Variants in B3GAT2 observed in about 807,000 individuals in gnomAD.
B3GAT2 encodes the protein galactosylgalactosylxylosylprotein 3-beta-glucuronosyltransferase 2.
In B3GAT2, 26 loss-of-function variants were observed where a neutral mutation model predicts 27.8. The ratio of observed to expected loss-of-function variants is 0.93; its 90% CI spans 0.68 to 1.30. B3GAT2 has a LOEUF of 1.30. B3GAT2 is among the 50% of genes most tolerant of loss of function. The probability of loss-of-function intolerance (pLI) is 0.00; values close to 1 mark genes in which losing one functional copy is unlikely to be tolerated. For synonymous variants in B3GAT2, 218 were observed against 195.1 expected (o/e 1.12, Z -0.98); for missense variants, 458 against 459.0 (o/e 1.00, Z 0.02).
At chr6:70,895,202 C>G (rs1772359259) in intron 1 of B3GAT2, among the ~76,000 whole-genome samples, 1 of 152,122 alleles carries the variant, frequency 6.6e-6, no homozygotes, top group South Asian at 2.1e-4. Context: ...GTATAACCTG[C>G]ACAACTGCAT....
intron 2 of B3GAT2, among the ~76,000 whole-genome samples, chr6:70,893,537 T>C (rs1772327586): frequency 6.6e-6 from 1 of 152,120 alleles, no homozygotes; most frequent in African/African-American, 2.4e-5. Context: ...CGTGTGGTCC[T>C]ACTGCAGGGC....
intron 2 of B3GAT2, among the ~76,000 whole-genome samples, chr6:70,869,753 A>T (rs1161614771): frequency 6.6e-6 from 1 of 152,220 alleles, no homozygotes; most frequent in Non-Finnish European, 1.5e-5. Context: ...GTATCAATGC[A>T]GTCTTGCTAA....
chr6:70,878,146 G>A (rs1317885590), intron 2 of B3GAT2, among the ~76,000 whole-genome samples: 1 of 152,066 alleles, frequency 6.6e-6, no homozygotes, highest in East Asian at 1.9e-4. Context: ...TATATTCTGT[G>A]TCTATTGAGT....
chr6:70,944,045 C>T lies in B3GAT2; in HGVS notation c.591+11794G>A, dbSNP rs972250514. Among the ~76,000 whole-genome samples the T allele has an allele frequency of 3.9e-5, 6 of 152,230 alleles. No homozygotes were observed. The South Asian group carries it at 6.2e-4, about 16-fold the overall frequency. ...TCCACAATGTATCCCTATATCAAAA[C>T]ATTATAGTCTACACAACAAATATAT... is the stretch of plus-strand genomic sequence containing the variant. On this transcript the variant is annotated intron_variant, in intron 1 of 3. Coordinates refer to ENST00000230053, the MANE Select transcript of B3GAT2 (RefSeq NM_080742.3).
chr6:70,908,587 T>C (rs1772637702), intron 1 of B3GAT2, among the ~76,000 whole-genome samples: 1 of 152,234 alleles, frequency 6.6e-6, no homozygotes, highest in South Asian at 2.1e-4. Context: ...AAAAATGTTT[T>C]AATCTATAAT....
intron 1 of B3GAT2, among the ~76,000 whole-genome samples, chr6:70,894,955 G>A (rs1772354204): frequency 6.6e-6 from 1 of 152,170 alleles, no homozygotes; most frequent in Non-Finnish European, 1.5e-5. Context: ...TTCTTTAAGG[G>A]GAAAGAGATG....
chr6:70,900,272 C>T (rs1178216610), intron 1 of B3GAT2, among the ~76,000 whole-genome samples: 1 of 152,212 alleles, frequency 6.6e-6, no homozygotes, highest in Non-Finnish European at 1.5e-5. Context: ...CATGTGCACA[C>T]TCCTCCAGGC....
chr6:70,929,204 A>G (rs1773017853), intron 1 of B3GAT2, among the ~76,000 whole-genome samples: 1 of 151,306 alleles, frequency 6.6e-6, no homozygotes, highest in African/African-American at 2.4e-5. Context: ...ACACCAGGGT[A>G]GGGAGAGGGG....
chr6:70,935,256 G>T (rs1562233756), intron 1 of B3GAT2, among the ~76,000 whole-genome samples: 1 of 151,850 alleles, frequency 6.6e-6, no homozygotes, highest in Admixed American at 6.6e-5. Context: ...GACCAGCCAG[G>T]GAAACATAGG....
Position 70,860,165 on chromosome 6 carries a change from A to G in B3GAT2, c.*1498T>C. The G allele has an allele frequency of 6.4e-7, 1 of 1,552,404 alleles. No homozygotes were observed. The highest frequency in any genetic ancestry group is 8.7e-7 in the Non-Finnish European group (1 of 1,150,584). On this transcript the variant is annotated 3_prime_UTR_variant, in exon 4 of 4. Coordinates refer to ENST00000230053, the MANE Select transcript of B3GAT2 (RefSeq NM_080742.3). Reference sequence around the variant, plus strand: ...AGAAACAAGAATTAAAAGTGAAGTAAGCCTCTTGAACTAAGCCTTTTATAT... The same window carrying G: ...AGAAACAAGAATTAAAAGTGAAGTAGGCCTCTTGAACTAAGCCTTTTATAT...
rs1765651742 is a variant in B3GAT2, at chr6:70,956,083, AC to A, written c.346del (p.Val116TrpfsTer11). The A allele has an allele frequency of 6.3e-7, 1 of 1,591,942 alleles. No individual in the cohort carries two copies. Among genetic ancestry groups the A allele is most frequent in the African/African-American group, 1.4e-5 (1 of 72,800 alleles). On this transcript the variant is annotated frameshift_variant, in exon 1 of 4. Transcript: ENST00000230053. LOFTEE classifies it high-confidence loss of function. ...RQVAQLHWIL[V>X]EDAAARSELV... ...CTCGCTGCGCGCCGCCGCGTCCTCC[AC>A]CAGGATCCAGTGCAGCTGCGCCACC...
chr6:70,863,572 C>T (rs1009337234), intron 2 of B3GAT2, among the ~76,000 whole-genome samples: 5 of 152,098 alleles, frequency 3.3e-5, no homozygotes, highest in African/African-American at 1.2e-4. Context: ...TGCCTAGGTC[C>T]CTGCCCCTGG....
chr6:70,937,307 G>A (rs1282096480), intron 1 of B3GAT2, among the ~76,000 whole-genome samples: 2 of 150,324 alleles, frequency 1.3e-5, no homozygotes, highest in African/African-American at 2.5e-5. Flanking sequence ...ATTCACAGCC[G>A]AATTCTACCA....
In B3GAT2 at chr6:70,880,732, C is replaced by G. The variant is rs144005985; in HGVS notation, c.736+13396G>C. Among the ~76,000 whole-genome samples the G allele has an allele frequency of 4.7e-4, 72 of 151,658 alleles. 1 individual carries two copies. Among genetic ancestry groups the G allele is most frequent in the Non-Finnish European group, 9.1e-4 (62 of 67,934 alleles). ...CCAGGCTGGAGTGCAGTGGGATGAT[C>G]TCAGCTCACTGTAACCTCTGCCTCC... is the stretch of plus-strand genomic sequence containing the variant. On this transcript the variant is annotated intron_variant, in intron 2 of 3. Coordinates refer to ENST00000230053, the MANE Select transcript of B3GAT2 (RefSeq NM_080742.3).
At chr6:70,929,381 T>C (rs1205178099) in intron 1 of B3GAT2, among the ~76,000 whole-genome samples, 1 of 152,134 alleles carries the variant, frequency 6.6e-6, no homozygotes, top group African/African-American at 2.4e-5. Flanking sequence ...ATAAAAGCTA[T>C]TCAATCACGA....
At position 70,956,418 on chromosome 6, in the gene B3GAT2, C is replaced by A. The variant is rs1285132446; in HGVS notation, c.12G>T (p.Ala4=). The change falls in exon 1 of 4, where the codon GCG becomes GCT. Residue 4 remains alanine, a synonymous_variant. Transcript: ENST00000230053. MKS[A]LFTRFFILLP... The stretch of plus-strand genomic sequence containing the variant: ...GGAGGATAAAGAAGCGGGTGAAAAG[C>A]GCGGACTTCATGGTGCACGCTCCCT... The A allele has an allele frequency of 4.5e-6, 7 of 1,551,342 alleles. No homozygotes were observed. In the African/African-American group the frequency reaches 9.6e-5, roughly 21 times the overall value.
intron 1 of B3GAT2, among the ~76,000 whole-genome samples, chr6:70,955,165 G>A (rs1459203059): frequency 7.4e-6 from 1 of 134,280 alleles, no homozygotes; most frequent in Non-Finnish European, 1.6e-5. Context: ...TTCCAGAAAG[G>A]GTTTTCTTGC....
intron 2 of B3GAT2, among the ~76,000 whole-genome samples, chr6:70,886,391 CAAT>C (rs1454744442): frequency 6.6e-6 from 1 of 152,164 alleles, no homozygotes; most frequent in African/African-American, 2.4e-5. Context: ...GCTAAGCAAA[CAAT>C]ATATAATTAT....
chr6:70,859,674 A>C lies in B3GAT2; in HGVS notation c.*1989T>G. 1 of 248,422 alleles carries C rather than the reference A, an allele frequency of 4.0e-6. No homozygotes were observed. Among genetic ancestry groups the C allele is most frequent in the South Asian group, 1.4e-4 (1 of 7,188 alleles). The allele number at this position is 248,422 out of a possible 1,614,324, so 15.4% of individuals were successfully genotyped here. A position where few individuals can be genotyped will look rare whatever the true frequency, so the allele number is the denominator to read the frequency against. On this transcript the variant is annotated 3_prime_UTR_variant, in exon 4 of 4. Transcript: ENST00000230053. ...ATATATTTGACTCCAGTCTTGAAGA[A>C]AAATACATGTAATCTTATGCTTTAT...
Sources: allele counts gnomAD v4.1 joint callset (sites outside exome capture counted in the v4.1 genomes callset), GRCh38; gene constraint gnomAD v4.1.1; transcripts MANE v1.5; gene names NCBI Gene and HGNC (gene_info 2026-07-23, HGNC 2026-07-21).